The following RAD51B variants were observed in gnomAD, a reference collection of about 807,000 sequenced individuals.
RAD51B encodes the protein DNA repair protein RAD51 homolog 2.
A neutral mutation model predicts 42.2 loss-of-function variants in RAD51B; 38 were observed. The observed-to-expected ratio is 0.90, with a 90% CI of 0.70 to 1.18. The LOEUF (loss-of-function observed/expected upper bound fraction) is 1.18. Among genes scored for constraint, RAD51B ranks in the 50% most tolerant of loss-of-function variants. The probability of loss-of-function intolerance (pLI) is 0.00; values close to 1 mark genes in which losing one functional copy is unlikely to be tolerated. For missense variants in RAD51B, 373 were observed against 400.7 expected (o/e 0.93, Z 0.59); for synonymous variants, 154 against 145.2 (o/e 1.06, Z -0.43).
intron 8 of RAD51B, among the ~76,000 whole-genome samples, chr14:68,306,448 C>T (rs2081863699): frequency 1.3e-5 from 2 of 152,058 alleles, no homozygotes; most frequent in African/African-American, 4.8e-5. Context: ...TTTTTTTTCT[C>T]CATGAGAATG....
chr14:68,021,155 T>C (rs1242103109), intron 7 of RAD51B, among the ~76,000 whole-genome samples: 1 of 152,202 alleles, frequency 6.6e-6, no homozygotes, highest in Admixed American at 6.5e-5. Flanking sequence ...TAGTACCCTT[T>C]TGTTTTTTTC....
At chr14:68,053,616 C>T (rs918311931) in intron 7 of RAD51B, among the ~76,000 whole-genome samples, 2 of 152,180 alleles carry the variant, frequency 1.3e-5, no homozygotes, top group African/African-American at 4.8e-5. Flanking sequence ...TGCTTCTCTC[C>T]AGCTAAGCCT....
chr14:68,438,272 G>A (rs185852073), intron 9 of RAD51B, among the ~76,000 whole-genome samples: 7 of 152,250 alleles, frequency 4.6e-5, no homozygotes, highest in Admixed American at 3.9e-4. Flanking sequence ...AGGGAAAAGA[G>A]GGAAGAGTTA....
intron 7 of RAD51B, among the ~76,000 whole-genome samples, chr14:68,115,664 T>C (rs573911478): frequency 1.3e-5 from 2 of 152,158 alleles, no homozygotes; most frequent in East Asian, 3.9e-4. Flanking sequence ...ATTGCATTCT[T>C]TGATGAAGAC....
At chr14:68,394,796 G>C (rs893980419) in intron 8 of RAD51B, among the ~76,000 whole-genome samples, 1 of 152,200 alleles carries the variant, frequency 6.6e-6, no homozygotes, top group Non-Finnish European at 1.5e-5. Context: ...ACCAGCACTG[G>C]GCTGACCTCC....
intron 7 of RAD51B, among the ~76,000 whole-genome samples, chr14:68,063,730 A>G (rs2076605426): frequency 6.6e-6 from 1 of 152,198 alleles, no homozygotes; most frequent in Non-Finnish European, 1.5e-5. Context: ...ATGAGACTCC[A>G]TCTCAAAAAG....
intron 7 of RAD51B, among the ~76,000 whole-genome samples, chr14:68,165,926 C>T (rs2078739592): frequency 6.6e-6 from 1 of 152,058 alleles, no homozygotes; most frequent in African/African-American, 2.4e-5. Flanking sequence ...GAGAAAGTTC[C>T]CTACTCATAC....
At chr14:68,014,834 A>T (rs2075747788) in intron 7 of RAD51B, among the ~76,000 whole-genome samples, 1 of 149,340 alleles carries the variant, frequency 6.7e-6, no homozygotes, top group South Asian at 2.1e-4. Context: ...CTTGGAAACA[A>T]TATAAGAATG....
At chr14:67,990,198 AT>A (rs1483043155) in intron 7 of RAD51B, among the ~76,000 whole-genome samples, 2 of 151,652 alleles carry the variant, frequency 1.3e-5, no homozygotes, top group Non-Finnish European at 3.0e-5. Context: ...GGGTTTCACC[AT>A]GTTGGCCAGG....
intron 7 of RAD51B, among the ~76,000 whole-genome samples, chr14:68,111,963 A>G (rs939652607): frequency 4.6e-5 from 7 of 152,014 alleles, no homozygotes; most frequent in Admixed American, 1.3e-4. Flanking sequence ...ATGTGTTCCC[A>G]TGGCTTATCC....
chr14:67,909,801 C>T (rs975886638), intron 7 of RAD51B, among the ~76,000 whole-genome samples: 8 of 152,098 alleles, frequency 5.3e-5, no homozygotes, highest in African/African-American at 1.9e-4. Flanking sequence ...CAGGCACACA[C>T]CACACACCTG....
At chr14:68,288,813 A>G (rs2081461476) in intron 7 of RAD51B, among the ~76,000 whole-genome samples, 1 of 152,220 alleles carries the variant, frequency 6.6e-6, no homozygotes, top group Non-Finnish European at 1.5e-5. Flanking sequence ...TGGAGTCCCA[A>G]TCATTTTCAC....
At chr14:68,191,001 A>C (rs1196621356) in intron 7 of RAD51B, among the ~76,000 whole-genome samples, 1 of 151,504 alleles carries the variant, frequency 6.6e-6, no homozygotes, top group Non-Finnish European at 1.5e-5. Flanking sequence ...TAATTATCTA[A>C]ATGCTGTTAG....
intron 8 of RAD51B, among the ~76,000 whole-genome samples, chr14:68,330,942 C>G (rs1001622696): frequency 1.1e-4 from 16 of 152,070 alleles, no homozygotes; most frequent in African/African-American, 3.9e-4. Context: ...GGCATATTTC[C>G]TACTGCAACT....
At chr14:68,323,530 G>A (rs1390007814) in intron 8 of RAD51B, among the ~76,000 whole-genome samples, 1 of 152,162 alleles carries the variant, frequency 6.6e-6, no homozygotes, top group Non-Finnish European at 1.5e-5. Context: ...GGTGTCTCAG[G>A]CCTGTAATCC....
intron 7 of RAD51B, among the ~76,000 whole-genome samples, chr14:68,231,685 T>G (rs1211136449): frequency 1.3e-5 from 2 of 152,230 alleles, no homozygotes; most frequent in Non-Finnish European, 1.5e-5. Flanking sequence ...TATGTATATA[T>G]GAGACATGTG....
At chr14:68,277,637 C>T (rs943618804) in intron 7 of RAD51B, among the ~76,000 whole-genome samples, 8 of 151,994 alleles carry the variant, frequency 5.3e-5, no homozygotes, top group Admixed American at 6.6e-5. Flanking sequence ...ATATATGGCC[C>T]GTTCATTATT....
At chr14:68,442,496 A>C (rs532417079) in intron 9 of RAD51B, among the ~76,000 whole-genome samples, 1 of 129,158 alleles carries the variant, frequency 7.7e-6, no homozygotes, top group Non-Finnish European at 1.5e-5. Flanking sequence ...GCTGGAGAGC[A>C]GTGGCGCGAT....
intron 7 of RAD51B, among the ~76,000 whole-genome samples, chr14:68,282,441 CTTG>C (rs1382095681): frequency 2.6e-5 from 4 of 152,176 alleles, no homozygotes; most frequent in Admixed American, 2.0e-4. Context: ...TTGTTCTGGA[CTTG>C]TTCTTCTTAT....
Sources: allele counts gnomAD v4.1 joint callset (sites outside exome capture counted in the v4.1 genomes callset), GRCh38; gene constraint gnomAD v4.1.1; transcripts MANE v1.5; gene names NCBI Gene and HGNC (gene_info 2026-07-23, HGNC 2026-07-21).